CDKAL1: variants seen among roughly 807,000 people sequenced by gnomAD.
CDKAL1 encodes the protein CDKAL1 threonylcarbamoyladenosine tRNA methylthiotransferase.
Under a neutral mutation model 68.2 loss-of-function variants are expected in CDKAL1, and 32 were observed. The ratio of observed to expected loss-of-function variants is 0.47; its 90% CI spans 0.35 to 0.63. The LOEUF (loss-of-function observed/expected upper bound fraction) is 0.63, where lower values mean the gene tolerates loss of function less well. Among genes scored for constraint, CDKAL1 ranks in the 30% least tolerant of loss-of-function variants. The probability of loss-of-function intolerance (pLI) is 0.00; values close to 1 mark genes in which losing one functional copy is unlikely to be tolerated. For missense variants in CDKAL1, 606 were observed against 696.7 expected (o/e 0.87, Z 1.47); for synonymous variants, 234 against 244.3 (o/e 0.96, Z 0.39).
At chr6:21,099,065 G>A (rs534800966) in intron 12 of CDKAL1, among the ~76,000 whole-genome samples, 1 of 152,198 alleles carries the variant, frequency 6.6e-6, no homozygotes, top group Non-Finnish European at 1.5e-5. Context: ...CTCATCACCT[G>A]GAGAAATTTT....
chr6:21,134,801 T>C (rs1474631020), intron 13 of CDKAL1, among the ~76,000 whole-genome samples: 2 of 152,156 alleles, frequency 1.3e-5, no homozygotes, highest in Non-Finnish European at 2.9e-5. Flanking sequence ...GAGTTTCAAA[T>C]ATTAAGATAA....
intron 4 of CDKAL1, among the ~76,000 whole-genome samples, chr6:20,557,346 T>C (rs1439183288): frequency 2.0e-5 from 3 of 152,090 alleles, no homozygotes; most frequent in African/African-American, 7.2e-5. Flanking sequence ...TCATGTGTAG[T>C]ATCTGTAATG....
chr6:20,810,247 C>G (rs577659284), intron 8 of CDKAL1, among the ~76,000 whole-genome samples: 2 of 152,080 alleles, frequency 1.3e-5, no homozygotes, highest in Non-Finnish European at 2.9e-5. Flanking sequence ...CCACCCTTGC[C>G]CCTTCTCTTG....
rs140087421 is a variant in CDKAL1 at position 21,211,048 on chromosome 6, G to A, written c.1548+9774G>A. ...ACATTTACACCCTGGGGACAAAGGAGGTTGGAAAATCATTTTTGGCATCTG... is the reference window on the plus strand; with the variant it reads ...ACATTTACACCCTGGGGACAAAGGAAGTTGGAAAATCATTTTTGGCATCTG... On this transcript the variant is annotated intron_variant, in intron 15 of 15. Coordinates refer to ENST00000274695, the MANE Select transcript of CDKAL1 (RefSeq NM_017774.3). Among the ~76,000 whole-genome samples the A allele has an allele frequency of 3.7e-3, 563 of 152,328 alleles. 6 individuals are homozygous for A. The highest frequency in any genetic ancestry group is 0.013 in the African/African-American group (522 of 41,576).
At chr6:21,118,850 T>C (rs1457880189) in intron 13 of CDKAL1, among the ~76,000 whole-genome samples, 2 of 152,212 alleles carry the variant, frequency 1.3e-5, no homozygotes, top group Non-Finnish European at 2.9e-5. Flanking sequence ...GGTAGACACA[T>C]GGGTAAGAAA....
At position 20,871,286 on chromosome 6, in the gene CDKAL1, TAATA is replaced by T. The variant is rs1248907816; in HGVS notation, c.742+25110_742+25113del. ...GCTGAATAAGATGCAGCTGTGTGTC[TAATA>T]ATTACCATAATTTCAAAGTATTGTA... On this transcript the variant is annotated intron_variant, in intron 9 of 15. Transcript: ENST00000274695. 8.5e-5 allele frequency among the ~76,000 whole-genome samples: 13 copies of T among 152,310 alleles called. No homozygotes were observed. In the East Asian group the frequency reaches 2.3e-3, roughly 27 times the overall value.
intron 10 of CDKAL1, among the ~76,000 whole-genome samples, chr6:20,995,636 C>G (rs921838669): frequency 1.3e-5 from 2 of 152,158 alleles, no homozygotes; most frequent in African/African-American, 4.8e-5. Context: ...ATGCTGTCAA[C>G]ACATGTGCTC....
At position 20,742,256 on chromosome 6, in the gene CDKAL1, A is replaced by G. The variant is rs558982647; in HGVS notation, c.468+2641A>G. On this transcript the variant is annotated intron_variant, in intron 6 of 15. Coordinates refer to ENST00000274695, the MANE Select transcript of CDKAL1 (RefSeq NM_017774.3). Reference sequence around the variant, plus strand: ...TTGCAAACATTTTCTGCCATTCTGTACATTGTCTGTTTACTCTGTTGAGAG... The same window carrying G: ...TTGCAAACATTTTCTGCCATTCTGTGCATTGTCTGTTTACTCTGTTGAGAG... 2.3e-4 allele frequency among the ~76,000 whole-genome samples: 35 copies of G among 152,200 alleles called. 1 individual carries two copies. In the South Asian group the frequency reaches 4.8e-3, roughly 21 times the overall value.
intron 15 of CDKAL1, among the ~76,000 whole-genome samples, chr6:21,217,994 A>C (rs540019631): frequency 6.6e-6 from 1 of 152,182 alleles, no homozygotes; most frequent in East Asian, 1.9e-4. Context: ...CAGCTTGTTA[A>C]CCTCTCTGGT....
chr6:20,556,557 A>G (rs532592893), intron 4 of CDKAL1, among the ~76,000 whole-genome samples: 1 of 152,318 alleles, frequency 6.6e-6, no homozygotes, highest in African/African-American at 2.4e-5. Flanking sequence ...CTGTTAACTT[A>G]TACTTTCTAC....
In CDKAL1 at chr6:20,804,936, T is replaced by C. The variant is rs953098955; in HGVS notation, c.638+23671T>C. Reference sequence around the variant, plus strand: ...TGTGACCAGCCCAGAATAAAAGTCCTGTTGTTTGAGCCCAGGTGTTTGAGG... The same window carrying C: ...TGTGACCAGCCCAGAATAAAAGTCCCGTTGTTTGAGCCCAGGTGTTTGAGG... On this transcript the variant is annotated intron_variant, in intron 8 of 15. Coordinates refer to ENST00000274695, the MANE Select transcript of CDKAL1 (RefSeq NM_017774.3). 5.9e-5 allele frequency among the ~76,000 whole-genome samples: 9 copies of C among 152,178 alleles called. 1 individual carries two copies.
At chr6:21,091,189 GATTTTT>G (rs1421947371) in intron 12 of CDKAL1, among the ~76,000 whole-genome samples, 2 of 152,156 alleles carry the variant, frequency 1.3e-5, no homozygotes, top group Non-Finnish European at 2.9e-5. Flanking sequence ...ACATCATAGA[GATTTTT>G]AGTACAGGAG....
intron 8 of CDKAL1, among the ~76,000 whole-genome samples, chr6:20,828,774 G>T (rs113723446): frequency 4.3e-4 from 66 of 152,158 alleles, no homozygotes; most frequent in African/African-American, 1.5e-3. Flanking sequence ...TCGTGTTGTT[G>T]TACAAACATC....
chr6:21,194,373 C>T (rs541212416), intron 13 of CDKAL1, among the ~76,000 whole-genome samples: 5 of 152,254 alleles, frequency 3.3e-5, no homozygotes, highest in South Asian at 2.1e-4. Flanking sequence ...CTGTCAGTGA[C>T]GGTGAGGCAG....
intron 9 of CDKAL1, among the ~76,000 whole-genome samples, chr6:20,896,577 A>G (rs1276210834): frequency 1.3e-5 from 2 of 152,236 alleles, no homozygotes; most frequent in Admixed American, 6.5e-5. Context: ...AATAAAGAAT[A>G]CTTATTTTAA....
chr6:20,832,496 G>C (rs1330171001), intron 8 of CDKAL1, among the ~76,000 whole-genome samples: 1 of 151,020 alleles, frequency 6.6e-6, no homozygotes, highest in Non-Finnish European at 1.5e-5. Context: ...AACAAAACAC[G>C]TGAAAATAAA....
chr6:20,899,808 A>G (rs1406417300), intron 9 of CDKAL1, among the ~76,000 whole-genome samples: 1 of 152,172 alleles, frequency 6.6e-6, no homozygotes. Flanking sequence ...ATGCCACTGT[A>G]CTCCAACCTG....
chr6:20,619,533 A>C (rs2127731386), intron 4 of CDKAL1, among the ~76,000 whole-genome samples: 1 of 152,336 alleles, frequency 6.6e-6, no homozygotes, highest in South Asian at 2.1e-4. Flanking sequence ...ATTTTTGCCA[A>C]ATAGCCCTAA....
intron 5 of CDKAL1, among the ~76,000 whole-genome samples, chr6:20,684,749 G>T (rs1770543390): frequency 6.6e-6 from 1 of 152,110 alleles, no homozygotes; most frequent in Non-Finnish European, 1.5e-5. Context: ...GCTTTAATTT[G>T]CATTTTCCTG....
Sources: allele counts gnomAD v4.1 joint callset (sites outside exome capture counted in the v4.1 genomes callset), GRCh38; gene constraint gnomAD v4.1.1; transcripts MANE v1.5; gene names NCBI Gene and HGNC (gene_info 2026-07-23, HGNC 2026-07-21).